Variants in CSMD1 observed in about 807,000 individuals in gnomAD.
CSMD1 encodes the protein CUB and sushi domain-containing protein 1.
In CSMD1, 213 loss-of-function variants were observed where a neutral mutation model predicts 417.5. That is an observed-to-expected ratio of 0.51 (90% CI 0.46 to 0.57). The LOEUF (loss-of-function observed/expected upper bound fraction) is 0.57, where lower values mean the gene tolerates loss of function less well. Ranked by LOEUF, CSMD1 falls within the 20% of genes least tolerant of loss-of-function variation. The pLI, the probability that CSMD1 is intolerant of heterozygous loss-of-function variation, is 0.00. For synonymous variants in CSMD1, 2,862 were observed against 1,736.8 expected (o/e 1.65, Z -16.11); for missense variants, 6,923 against 4,529.7 (o/e 1.53, Z -15.17).
rs189673547 is a variant in CSMD1, at chr8:4,000,162, A to C, written c.611-2052T>G. Among the ~76,000 whole-genome samples the C allele has an allele frequency of 1.2e-3, 138 of 118,094 alleles. 1 individual carries two copies. Among genetic ancestry groups the C allele is most frequent in the African/African-American group, 4.4e-3 (130 of 29,750 alleles). The allele number at this position is 118,094 out of a possible 152,430, so 77.5% of individuals were successfully genotyped here. A position where few individuals can be genotyped will look rare whatever the true frequency, so the allele number is the denominator to read the frequency against. On this transcript the variant is annotated intron_variant, in intron 4 of 69. Coordinates refer to ENST00000635120, the MANE Select transcript of CSMD1 (RefSeq NM_033225.6). ...CACACTTCCCTGGTCAACTGAGAACAAGCTGCACAACTGCCCAGCTCGCCG... is the reference window on the plus strand; with the variant it reads ...CACACTTCCCTGGTCAACTGAGAACCAGCTGCACAACTGCCCAGCTCGCCG...
intron 8 of CSMD1, among the ~76,000 whole-genome samples, chr8:3,612,154 C>T (rs548118545): frequency 2.2e-4 from 33 of 152,082 alleles, no homozygotes; most frequent in African/African-American, 7.7e-4. Context: ...GCTAAAATGG[C>T]TATGCAAATG....
At chr8:4,153,489 C>G (rs1194212542) in intron 3 of CSMD1, among the ~76,000 whole-genome samples, 3 of 152,200 alleles carry the variant, frequency 2.0e-5, no homozygotes, top group East Asian at 3.8e-4. Context: ...CCCAGTCTTT[C>G]TGACATTTCT....
chr8:4,077,597 T>C (rs1799902399), intron 3 of CSMD1, among the ~76,000 whole-genome samples: 2 of 152,208 alleles, frequency 1.3e-5, no homozygotes, highest in South Asian at 2.1e-4. Flanking sequence ...CCTCCTGCTG[T>C]CACTTGAACT....
At chr8:4,742,509 C>A (rs946650376) in intron 1 of CSMD1, among the ~76,000 whole-genome samples, 6 of 151,916 alleles carry the variant, frequency 3.9e-5, no homozygotes, top group Non-Finnish European at 8.8e-5. Context: ...CACACATGTA[C>A]ATAGAAAATA....
chr8:3,612,473 G>C (rs1309344692), intron 8 of CSMD1, among the ~76,000 whole-genome samples: 1 of 152,050 alleles, frequency 6.6e-6, no homozygotes, highest in Non-Finnish European at 1.5e-5. Context: ...GACATTTATG[G>C]AACACTTCAC....
intron 4 of CSMD1, among the ~76,000 whole-genome samples, chr8:4,022,625 CA>C (rs751856903): frequency 1.7e-4 from 26 of 152,084 alleles, no homozygotes; most frequent in Non-Finnish European, 2.9e-4. Flanking sequence ...TCCTAGAAAC[CA>C]TTCTGGAACC....
intron 3 of CSMD1, among the ~76,000 whole-genome samples, chr8:4,195,908 A>G (rs1799312799): frequency 6.6e-6 from 1 of 152,008 alleles, no homozygotes; most frequent in South Asian, 2.1e-4. Flanking sequence ...ACCCCGAGAA[A>G]ACTATGAGAT....
chr8:4,285,246 A>C (rs1796998702), intron 3 of CSMD1, among the ~76,000 whole-genome samples: 1 of 152,236 alleles, frequency 6.6e-6, no homozygotes, highest in South Asian at 2.1e-4. Flanking sequence ...ATCATACAGC[A>C]GGCCGACTGT....
At chr8:4,385,775 GTTGT>G (rs917409905) in intron 3 of CSMD1, among the ~76,000 whole-genome samples, 76 of 152,094 alleles carry the variant, frequency 5.0e-4, no homozygotes, top group Admixed American at 4.7e-3. Flanking sequence ...GATTGTAATG[GTTGT>G]TTGTATTTGT....
At chr8:4,448,896 T>A (rs984111657) in intron 2 of CSMD1, among the ~76,000 whole-genome samples, 1 of 152,220 alleles carries the variant, frequency 6.6e-6, no homozygotes, top group Non-Finnish European at 1.5e-5. Context: ...AACACACACA[T>A]GCACACATAT....
At chr8:3,598,680 C>G (rs897828157) in intron 8 of CSMD1, among the ~76,000 whole-genome samples, 1 of 152,198 alleles carries the variant, frequency 6.6e-6, no homozygotes, top group African/African-American at 2.4e-5. Flanking sequence ...GAATCAGTAG[C>G]TGAAGGGTTG....
At chr8:4,770,360 A>ATT (rs1796538653) in intron 1 of CSMD1, among the ~76,000 whole-genome samples, 1 of 148,602 alleles carries the variant, frequency 6.7e-6, no homozygotes, top group South Asian at 2.1e-4. Context: ...TAATTAAGCT[A>ATT]TTATATATAT....
At chr8:3,407,808 C>A (rs1812447036) in intron 14 of CSMD1, 91 bp downstream of exon 14, 1 of 1,107,484 alleles carries the variant, frequency 9.0e-7, no homozygotes, top group African/African-American at 1.6e-5. Flanking sequence ...AAGTATCAAC[C>A]TTGAAATGCA....
intron 3 of CSMD1, among the ~76,000 whole-genome samples, chr8:4,134,696 G>A (rs1199962025): frequency 6.6e-6 from 1 of 152,016 alleles, no homozygotes; most frequent in Non-Finnish European, 1.5e-5. Context: ...TTTGATTTCT[G>A]TGAACCACAC....
At chr8:4,522,985 G>C (rs901971955) in intron 2 of CSMD1, among the ~76,000 whole-genome samples, 1 of 152,124 alleles carries the variant, frequency 6.6e-6, no homozygotes, top group Non-Finnish European at 1.5e-5. Flanking sequence ...CATGTTCAAA[G>C]TCCCCCAAGT....
intron 49 of CSMD1, among the ~76,000 whole-genome samples, chr8:3,066,635 C>A (rs1812953767): frequency 6.6e-6 from 1 of 152,142 alleles, no homozygotes; most frequent in African/African-American, 2.4e-5. Flanking sequence ...AAACAATAAT[C>A]ACCTGTTTTA....
chr8:4,187,676 C>CAAAAAAAAAAAAAA (rs34858860), intron 3 of CSMD1, among the ~76,000 whole-genome samples: 1 of 88,510 alleles, frequency 1.1e-5, no homozygotes, highest in East Asian at 4.0e-4. Flanking sequence ...AACTCCGTCT[C>CAAAAAAAAAAAAAA]AAAAAAAAAA....
chr8:4,033,256 C>T lies in CSMD1; in HGVS notation c.416-1157G>A, dbSNP rs1036446639. ...GAGATCGAGACCATCCTGGCTAACACGGTGAAACCCTGTCTCTACTAAAAA... is the reference window on the plus strand; with the variant it reads ...GAGATCGAGACCATCCTGGCTAACATGGTGAAACCCTGTCTCTACTAAAAA... On this transcript the variant is annotated intron_variant, in intron 3 of 69. Coordinates refer to ENST00000635120, the MANE Select transcript of CSMD1 (RefSeq NM_033225.6). 8.0e-5 allele frequency among the ~76,000 whole-genome samples: 12 copies of T among 150,906 alleles called. No individual in the cohort carries two copies. In the South Asian group the frequency reaches 1.7e-3, roughly 21 times the overall value.
At chr8:4,470,713 GAAGA>G (rs1390610890) in intron 2 of CSMD1, among the ~76,000 whole-genome samples, 4 of 152,288 alleles carry the variant, frequency 2.6e-5, no homozygotes, top group Non-Finnish European at 4.4e-5. Context: ...AAGACAAAAA[GAAGA>G]AAGGTAAAAT....
Sources: gnomAD v4.1 joint callset for allele counts (sites outside exome capture counted in the v4.1 genomes callset) on GRCh38, gnomAD v4.1.1 for gene constraint, MANE v1.5 for transcripts, NCBI Gene and HGNC (gene_info 2026-07-23, HGNC 2026-07-21) for gene names.